The following BCAR3 variants were observed in gnomAD, a reference collection of about 807,000 sequenced individuals.
BCAR3 encodes the protein breast cancer anti-estrogen resistance protein 3.
In BCAR3, 37 loss-of-function variants were observed where a neutral mutation model predicts 80.1. That is an observed-to-expected ratio of 0.46 (90% confidence interval 0.36 to 0.61). The LOEUF is 0.61. Among genes scored for constraint, BCAR3 ranks in the 20% least tolerant of loss-of-function variants. The pLI, the probability that BCAR3 is intolerant of heterozygous loss-of-function variation, is 0.00. For missense variants in BCAR3, 978 were observed against 1,068.2 expected (o/e 0.92, Z 1.18); for synonymous variants, 389 against 418.9 (o/e 0.93, Z 0.87).
At chr1:93,689,387 C>T (rs946047597) in intron 3 of BCAR3, among the ~76,000 whole-genome samples, 3 of 151,934 alleles carry the variant, frequency 2.0e-5, no homozygotes, top group African/African-American at 4.8e-5. Flanking sequence ...AAAAATTAGC[C>T]GGGTGTGGTG....
At chr1:93,711,044 T>G (rs1233683925) in intron 2 of BCAR3, among the ~76,000 whole-genome samples, 1 of 152,130 alleles carries the variant, frequency 6.6e-6, no homozygotes, top group Non-Finnish European at 1.5e-5. Flanking sequence ...GACTGGGTGT[T>G]CTCAGGATGT....
intron 2 of BCAR3, among the ~76,000 whole-genome samples, chr1:93,839,405 T>C (rs757125411): frequency 7.6e-4 from 116 of 152,238 alleles, no homozygotes; most frequent in Non-Finnish European, 3.7e-4. Context: ...ATTGCTGATC[T>C]CATCTATGGG....
intron 2 of BCAR3, among the ~76,000 whole-genome samples, chr1:93,734,259 T>C (rs1237430926): frequency 6.6e-6 from 1 of 152,262 alleles, no homozygotes; most frequent in Non-Finnish European, 1.5e-5. Context: ...GACTGCATTA[T>C]CTTTCAGTGC....
intron 2 of BCAR3, among the ~76,000 whole-genome samples, chr1:93,670,923 A>T (rs926553269): frequency 1.3e-5 from 2 of 152,192 alleles, no homozygotes; most frequent in Non-Finnish European, 2.9e-5. Flanking sequence ...GTCAAAGAGG[A>T]GACTTCCTCT....
intron 3 of BCAR3, among the ~76,000 whole-genome samples, chr1:93,605,241 G>T (rs1353065662): frequency 6.6e-6 from 1 of 152,214 alleles, no homozygotes; most frequent in African/African-American, 2.4e-5. Flanking sequence ...GAGGAAGGCC[G>T]AAGGTCAATG....
At chr1:93,605,937 T>C (rs753931243) in intron 3 of BCAR3, among the ~76,000 whole-genome samples, 2 of 152,178 alleles carry the variant, frequency 1.3e-5, no homozygotes. Context: ...GCGTGGGGTG[T>C]AGAACAAATG....
intron 2 of BCAR3, among the ~76,000 whole-genome samples, chr1:93,843,320 TA>T (rs1246472783): frequency 6.6e-6 from 1 of 152,250 alleles, no homozygotes; most frequent in East Asian, 1.9e-4. Flanking sequence ...GCTGTATCTG[TA>T]CTGTCCTTTG....
intron 2 of BCAR3, among the ~76,000 whole-genome samples, chr1:93,652,076 C>A (rs139054052): frequency 1.3e-5 from 2 of 152,290 alleles, no homozygotes; most frequent in East Asian, 1.9e-4. Context: ...ATCTAAAACG[C>A]CTTGAGAGCC....
intron 2 of BCAR3, among the ~76,000 whole-genome samples, chr1:93,726,961 T>C (rs75489974): frequency 1.8e-3 from 276 of 152,390 alleles, no homozygotes; most frequent in Middle Eastern, 6.8e-3. Flanking sequence ...ATGCCTGTTT[T>C]ATGACTCCTT....
intron 3 of BCAR3, among the ~76,000 whole-genome samples, chr1:93,640,264 T>C (rs1040259607): frequency 6.6e-6 from 1 of 152,150 alleles, no homozygotes; most frequent in Non-Finnish European, 1.5e-5. Flanking sequence ...CCCAAGAAGA[T>C]GGGTCCCTGG....
chr1:93,732,580 G>A (rs1650826116), intron 2 of BCAR3, among the ~76,000 whole-genome samples: 1 of 151,648 alleles, frequency 6.6e-6, no homozygotes, highest in African/African-American at 2.4e-5. Context: ...TCACACCACT[G>A]AACTTCAGCT....
chr1:93,779,133 C>T (rs1044644310), intron 2 of BCAR3, among the ~76,000 whole-genome samples: 2 of 152,146 alleles, frequency 1.3e-5, no homozygotes, highest in Non-Finnish European at 2.9e-5. Context: ...GAGGGAGAAG[C>T]GCCGATGCTG....
chr1:93,757,084 G>A lies in BCAR3; in HGVS notation c.-62-50942C>T, dbSNP rs553615846. On this transcript the variant is annotated intron_variant, in intron 2 of 13. Transcript: ENST00000370244. ...CTCCCACAGTAGGAAAGTCTCTGCC[G>A]GTTGGGGTCTGTTCTGGGTCTGATG... Among the ~76,000 whole-genome samples, 9 of 152,294 alleles carry A rather than the reference G, an allele frequency of 5.9e-5. No individual in the cohort carries two copies. The South Asian group carries it at 6.2e-4, about 11-fold the overall frequency.
At chr1:93,650,412 A>G (rs1001976092) in intron 2 of BCAR3, among the ~76,000 whole-genome samples, 2 of 152,186 alleles carry the variant, frequency 1.3e-5, no homozygotes. Flanking sequence ...GGGCTAGTTC[A>G]TGTAACAGTC....
chr1:93,597,290 G>T (rs1164102138), intron 3 of BCAR3, among the ~76,000 whole-genome samples: 2 of 152,220 alleles, frequency 1.3e-5, no homozygotes, highest in African/African-American at 4.8e-5. Flanking sequence ...CAGGGCAAAT[G>T]TAGGGGGTGG....
chr1:93,618,826 C>T (rs551213443), intron 3 of BCAR3, among the ~76,000 whole-genome samples: 70 of 152,234 alleles, frequency 4.6e-4, no homozygotes, highest in Non-Finnish European at 9.0e-4. Flanking sequence ...GCAAAAGACA[C>T]ATACTTGCAA....
At chr1:93,768,085 A>G (rs1436062051) in intron 2 of BCAR3, among the ~76,000 whole-genome samples, 4 of 152,188 alleles carry the variant, frequency 2.6e-5, no homozygotes, top group African/African-American at 9.7e-5. Flanking sequence ...GTGAAAATCA[A>G]TGTGACGTGC....
rs370500291 is a variant in BCAR3, at chr1:93,655,429, GAATA to G, written c.318-13090_318-13087del. On this transcript the variant is annotated intron_variant, in intron 2 of 11. Coordinates refer to ENST00000260502, the MANE Select transcript of BCAR3 (RefSeq NM_003567.4). Reference sequence around the variant, plus strand: ...GTACAGATTTAAGAAATTTTTCCAAGAATAGATAGCTCTTGATAAATGACTGGCT... The same window carrying G: ...GTACAGATTTAAGAAATTTTTCCAAGGATAGCTCTTGATAAATGACTGGCT... Among the ~76,000 whole-genome samples the G allele has an allele frequency of 1.1e-3, 170 of 151,266 alleles. 5 individuals are homozygous for G. The South Asian group carries it at 0.019, about 16-fold the overall frequency.
chr1:93,804,865 C>T (rs535045852), intron 2 of BCAR3, among the ~76,000 whole-genome samples: 1 of 152,130 alleles, frequency 6.6e-6, no homozygotes, highest in Non-Finnish European at 1.5e-5. Context: ...TTGTTATGAA[C>T]ACTTGTGTAC....
Sources: allele counts gnomAD v4.1 joint callset (sites outside exome capture counted in the v4.1 genomes callset), GRCh38; gene constraint gnomAD v4.1.1; transcripts MANE v1.5; gene names NCBI Gene and HGNC (gene_info 2026-07-23, HGNC 2026-07-21).